SLIT2: variants seen among roughly 807,000 people sequenced by gnomAD.
SLIT2 encodes slit guidance ligand 2.
In SLIT2, 41 loss-of-function variants were observed where a neutral mutation model predicts 185.7. The ratio of observed to expected loss-of-function variants is 0.22; its 90% CI spans 0.17 to 0.29. The LOEUF (loss-of-function observed/expected upper bound fraction) is 0.29, where lower values mean the gene tolerates loss of function less well. Ranked by LOEUF, SLIT2 falls within the 10% of genes least tolerant of loss-of-function variation. The probability of loss-of-function intolerance (pLI) is 1.00; values close to 1 mark genes in which losing one functional copy is unlikely to be tolerated. For synonymous variants in SLIT2, 693 were observed against 680.2 expected, an observed-to-expected ratio of 1.02 and a Z score of -0.29; for missense variants, 1,571 against 1,909.0, an observed-to-expected ratio of 0.82 and a Z score of 3.30.
intron 36 of SLIT2, among the ~76,000 whole-genome samples, chr4:20,618,207 G>A (rs1013662473): frequency 2.0e-5 from 3 of 152,270 alleles, no homozygotes; most frequent in Middle Eastern, 3.4e-3. Context: ...ATCAGAGCTC[G>A]CCTGGCCTCC....
chr4:20,618,024 TA>T (rs1729817128), intron 36 of SLIT2, among the ~76,000 whole-genome samples: 1 of 152,222 alleles, frequency 6.6e-6, no homozygotes. Context: ...TATATATTAT[TA>T]ATTCATCTTC....
At chr4:20,562,157 T>G (rs554717255) in intron 26 of SLIT2, among the ~76,000 whole-genome samples, 89 of 151,824 alleles carry the variant, frequency 5.9e-4, no homozygotes, top group Non-Finnish European at 1.1e-3. Context: ...TCTCCACCCC[T>G]CCACTGAAAC....
chr4:20,465,644 T>C (rs1372566843), intron 4 of SLIT2, among the ~76,000 whole-genome samples: 1 of 152,206 alleles, frequency 6.6e-6, no homozygotes. Flanking sequence ...TATCAGGATT[T>C]AGCTATTTGA....
At chr4:20,291,550 G>A (rs1199539827) in intron 4 of SLIT2, among the ~76,000 whole-genome samples, 2 of 124,532 alleles carry the variant, frequency 1.6e-5, no homozygotes, top group Admixed American at 9.2e-5. Context: ...TAATTGCATG[G>A]TCCTAAATGT....
chr4:20,527,739 T>C (rs1423686290), intron 15 of SLIT2, among the ~76,000 whole-genome samples: 4 of 152,230 alleles, frequency 2.6e-5, no homozygotes, highest in Non-Finnish European at 5.9e-5. Flanking sequence ...ATTTTTTCAA[T>C]AATTCCCATA....
At chr4:20,311,458 GTTA>G (rs1429825256) in intron 4 of SLIT2, among the ~76,000 whole-genome samples, 11 of 152,036 alleles carry the variant, frequency 7.2e-5, no homozygotes, top group South Asian at 4.2e-4. Flanking sequence ...GATGTAACAA[GTTA>G]TTATAGGATT....
At chr4:20,305,406 C>T (rs1397061879) in intron 4 of SLIT2, among the ~76,000 whole-genome samples, 1 of 152,148 alleles carries the variant, frequency 6.6e-6, no homozygotes, top group African/African-American at 2.4e-5. Flanking sequence ...TAACATAAGT[C>T]AGACATTCTT....
At chr4:20,564,809 A>G (rs896648559) in intron 26 of SLIT2, among the ~76,000 whole-genome samples, 24 of 151,790 alleles carry the variant, frequency 1.6e-4, no homozygotes, top group Admixed American at 1.4e-3. Context: ...TAAACTGAAC[A>G]TATATGAGGA....
At chr4:20,366,818 A>G (rs1000779479) in intron 4 of SLIT2, among the ~76,000 whole-genome samples, 1 of 151,950 alleles carries the variant, frequency 6.6e-6, no homozygotes, top group African/African-American at 2.4e-5. Context: ...TAATTTTTGA[A>G]ACAGGGTCTC....
intron 4 of SLIT2, among the ~76,000 whole-genome samples, chr4:20,352,130 A>T (rs1721932683): frequency 1.3e-5 from 2 of 151,920 alleles, no homozygotes; most frequent in Non-Finnish European, 2.9e-5. Context: ...TTGTACAGTC[A>T]TTTTTCTCTT....
At chr4:20,276,912 T>C (rs560093296) in intron 4 of SLIT2, among the ~76,000 whole-genome samples, 2 of 152,352 alleles carry the variant, frequency 1.3e-5, no homozygotes, top group African/African-American at 4.8e-5. Flanking sequence ...CAATTGTTCC[T>C]AATCCTCACA....
intron 4 of SLIT2, among the ~76,000 whole-genome samples, chr4:20,432,398 A>C (rs1054882281): frequency 6.6e-6 from 1 of 152,208 alleles, no homozygotes; most frequent in African/African-American, 2.4e-5. Flanking sequence ...TTCTGAGAAA[A>C]GGCAGACAAA....
intron 4 of SLIT2, among the ~76,000 whole-genome samples, chr4:20,291,697 ATGG>A: frequency 6.6e-6 from 1 of 151,870 alleles, no homozygotes; most frequent in East Asian, 1.9e-4. Context: ...TAATTTATAA[ATGG>A]TGAAGGCGTA....
intron 29 of SLIT2, among the ~76,000 whole-genome samples, chr4:20,579,318 G>A (rs949994502): frequency 7.3e-5 from 11 of 151,036 alleles, no homozygotes; most frequent in African/African-American, 2.7e-4. Context: ...AAAAAAAATA[G>A]CCCAGCCAAC....
Position 20,510,501 on chromosome 4 carries a change from G to A in SLIT2, c.921G>A (p.Leu307=). The change falls in exon 10 of 37, where the codon TTG becomes TTA. Residue 307 remains leucine (L), a synonymous_variant. Coordinates refer to ENST00000504154, the MANE Select transcript of SLIT2 (RefSeq NM_004787.4). ...GAATTTTTTTTCATTGCAGACGTTT[G>A]GAACAGAACACAATCAAAGTCATCC... is the stretch of plus-strand genomic sequence containing the variant. ...NLPETITEIR[L]EQNTIKVIPP... is the part of the protein sequence containing the mutation. 6.2e-7 allele frequency: 1 copy of A among 1,608,990 alleles called. No homozygotes were observed.
intron 25 of SLIT2, 111 bp from the exon 26 acceptor site, chr4:20,553,694 T>C (rs759334290): frequency 1.9e-6 from 2 of 1,028,494 alleles, no homozygotes; most frequent in African/African-American, 3.3e-5. Context: ...GAGCATCACT[T>C]TGAATTCTTT....
chr4:20,343,211 C>T (rs911510856), intron 4 of SLIT2, among the ~76,000 whole-genome samples: 1 of 152,046 alleles, frequency 6.6e-6, no homozygotes, highest in Admixed American at 6.6e-5. Flanking sequence ...TCTCTTCATC[C>T]CCCAATCCAC....
intron 9 of SLIT2, among the ~76,000 whole-genome samples, chr4:20,502,140 GAAA>G (rs1415154998): frequency 2.0e-5 from 3 of 152,168 alleles, no homozygotes; most frequent in African/African-American, 7.2e-5. Flanking sequence ...TTTCTCAAAA[GAAA>G]AATGTAGAAG....
At chr4:20,531,960 C>T in intron 16 of SLIT2, 24 bp from the exon 17 acceptor site, 10 of 1,425,934 alleles carry the variant, frequency 7.0e-6, no homozygotes, top group Non-Finnish European at 9.6e-6. Flanking sequence ...AATAAAACTT[C>T]TCTATTCCTT....
Sources: allele counts gnomAD v4.1 joint callset (sites outside exome capture counted in the v4.1 genomes callset), GRCh38; gene constraint gnomAD v4.1.1; transcripts MANE v1.5; gene names NCBI Gene and HGNC (gene_info 2026-07-23, HGNC 2026-07-21).